Variants in CYFIP1 observed in about 807,000 individuals in gnomAD.
CYFIP1 encodes the protein cytoplasmic FMR1 interacting protein 1.
A neutral mutation model predicts 163.5 loss-of-function variants in CYFIP1; 58 were observed. The ratio of observed to expected loss-of-function variants is 0.35; its 90% CI spans 0.29 to 0.44. CYFIP1 has a LOEUF of 0.44. Ranked by LOEUF, CYFIP1 falls within the 20% of genes least tolerant of loss-of-function variation. The pLI is 1.00. For synonymous variants in CYFIP1, 663 were observed against 660.7 expected (o/e 1.00, Z -0.05); for missense variants, 1,338 against 1,653.8 (o/e 0.81, Z 3.31).
chr15:22,928,389 TAATA>T (rs200548603), intron 11 of CYFIP1, among the ~76,000 whole-genome samples: 8,552 of 147,558 alleles, frequency 0.058, 346 homozygotes, highest in African/African-American at 0.1. Flanking sequence ...TCTCAAAAAA[TAATA>T]AATAAATAAA....
At chr15:22,908,149 C>A (rs2142042064) in intron 21 of CYFIP1, among the ~76,000 whole-genome samples, 1 of 152,316 alleles carries the variant, frequency 6.6e-6, no homozygotes, top group African/African-American at 2.4e-5. Context: ...GAAGGTAGGA[C>A]TAACTGGCAG....
At chr15:22,916,020 G>A (rs1190810131) in intron 16 of CYFIP1, among the ~76,000 whole-genome samples, 6 of 152,152 alleles carry the variant, frequency 3.9e-5, no homozygotes, top group South Asian at 2.1e-4. Flanking sequence ...ATGAGAACAC[G>A]GGACAGACAC....
chr15:22,922,633 TA>T (rs2061223147), intron 13 of CYFIP1, among the ~76,000 whole-genome samples: 1 of 152,176 alleles, frequency 6.6e-6, no homozygotes, highest in Admixed American at 6.5e-5. Context: ...AAACGCTGTA[TA>T]AAAATCCACT....
At position 22,894,876 on chromosome 15, in the gene CYFIP1, TA is replaced by T. The variant is rs1203621479; in HGVS notation, c.2589-1900del. The stretch of plus-strand genomic sequence containing the variant: ...ATATTATATATTTTATATATATATA[TA>T]TTTTTTTTTTTTTTGTCACCCACAC... On this transcript the variant is annotated intron_variant, in intron 22 of 30. Transcript: ENST00000617928. Among the ~76,000 whole-genome samples the T allele has an allele frequency of 4.6e-4, 48 of 103,234 alleles. 1 individual carries two copies. Among genetic ancestry groups the T allele is most frequent in the East Asian group, 1.3e-3 (4 of 3,044 alleles). 67.7% of individuals were successfully genotyped at this position (103,234 alleles called of 152,430 possible).
At chr15:22,910,183 G>T (rs1214921796) in intron 20 of CYFIP1, among the ~76,000 whole-genome samples, 1 of 151,598 alleles carries the variant, frequency 6.6e-6, no homozygotes, top group African/African-American at 2.4e-5. Context: ...TTGAGACGGA[G>T]TCTTGCTCAC....
Position 22,867,397 on chromosome 15 carries a change from AAG to A in CYFIP1, c.*2629_*2630del. The A allele has an allele frequency of 1.0e-5, 4 of 386,328 alleles. No homozygotes were observed. Among genetic ancestry groups the A allele is most frequent in the Non-Finnish European group, 1.8e-5 (4 of 219,356 alleles). The allele number at this position is 386,328 out of a possible 1,614,324, so 23.9% of individuals were successfully genotyped here. On this transcript the variant is annotated 3_prime_UTR_variant, in exon 31 of 31. Transcript: ENST00000617928. ...AACCTCTTTCTTACAAAACAAAAAA[AAG>A]GGCAGAAATCACCCCAAGGAACGAT...
chr15:22,885,756 AAC>A (rs2059910766), intron 23 of CYFIP1, among the ~76,000 whole-genome samples: 1 of 152,030 alleles, frequency 6.6e-6, no homozygotes, highest in Non-Finnish European at 1.5e-5. Context: ...ACAAACAAAA[AAC>A]ATTCAACAAG....
At chr15:22,882,245 G>A (rs532710958) in intron 24 of CYFIP1, among the ~76,000 whole-genome samples, 10 of 152,218 alleles carry the variant, frequency 6.6e-5, no homozygotes, top group Non-Finnish European at 1.5e-4. Flanking sequence ...CCAGCATCGT[G>A]AGCACTGCCA....
At chr15:22,870,557 C>T (rs1322172808) in intron 30 of CYFIP1, among the ~76,000 whole-genome samples, 3 of 151,980 alleles carry the variant, frequency 2.0e-5, no homozygotes, top group Non-Finnish European at 2.9e-5. Context: ...AGCAATCCTC[C>T]TCTGCCTCAG....
intron 1 of CYFIP1, among the ~76,000 whole-genome samples, chr15:22,953,106 G>A (rs898945743): frequency 3.9e-5 from 6 of 152,238 alleles, no homozygotes; most frequent in Non-Finnish European, 5.9e-5. Flanking sequence ...CCATAGATGC[G>A]AATCTGCACA....
chr15:22,892,758 TG>T, intron 23 of CYFIP1, 131 bp downstream of exon 23: 1 of 684,362 alleles, frequency 1.5e-6, no homozygotes, highest in Non-Finnish European at 2.4e-6. Flanking sequence ...GTTAACAGAA[TG>T]GAAAAAAAAA....
intron 22 of CYFIP1, among the ~76,000 whole-genome samples, chr15:22,900,071 G>A (rs1246807100): frequency 6.6e-6 from 1 of 152,126 alleles, no homozygotes; most frequent in Non-Finnish European, 1.5e-5. Flanking sequence ...CTCACTCCTA[G>A]TACCTCAGAA....
chr15:22,881,842 T>C lies in CYFIP1; in HGVS notation c.2911+4A>G. The C allele has an allele frequency of 6.2e-7, 1 of 1,609,798 alleles. No individual in the cohort carries two copies. ...CACTGTGAGCTCCACACGCCCGCAC[T>C]CACCAGGAGAGCCGTACTCGTGCCG... On this transcript the variant is annotated splice_donor_region_variant and intron_variant, in intron 25 of 30. Transcript: ENST00000617928.
chr15:22,910,506 C>A lies in CYFIP1; in HGVS notation c.2268+14G>T. On this transcript the variant is annotated intron_variant, in intron 20 of 30. Coordinates refer to ENST00000617928, the MANE Select transcript of CYFIP1 (RefSeq NM_014608.6). ...CACACTCTACGTCCCCACCACAGCC[C>A]GGCCCCAGCTCACCTGCACATGCCT... The A allele has an allele frequency of 6.2e-7, 1 of 1,607,376 alleles. No homozygotes were observed. Among genetic ancestry groups the A allele is most frequent in the South Asian group, 1.1e-5 (1 of 90,966 alleles).
At position 22,917,705 on chromosome 15, in the gene CYFIP1, G is replaced by A. The variant is rs1440967772; in HGVS notation, c.1674+83C>T. Reference sequence around the variant, plus strand: ...AGGCAGCGAGGACCTCATTTAACCCGGGCCTCACCAGCCCCACCCGCTCAC... The same window carrying A: ...AGGCAGCGAGGACCTCATTTAACCCAGGCCTCACCAGCCCCACCCGCTCAC... On this transcript the variant is annotated intron_variant, in intron 15 of 30. Transcript: ENST00000617928. The surrounding 1 kb of genome is among the most constrained non-coding windows in gnomAD (Gnocchi z 4.2). 34 of 1,462,718 alleles carry A rather than the reference G, an allele frequency of 2.3e-5. No individual in the cohort carries two copies. Among genetic ancestry groups the A allele is most frequent in the African/African-American group, 7.2e-5 (5 of 69,184 alleles). 90.6% of individuals were successfully genotyped at this position (1,462,718 alleles called of 1,614,324 possible). A position where few individuals can be genotyped will look rare whatever the true frequency, so the allele number is the denominator to read the frequency against.
chr15:22,925,856 G>A (rs1411324585), intron 13 of CYFIP1, 126 bp downstream of exon 13: 4 of 1,379,304 alleles, frequency 2.9e-6, no homozygotes, highest in Admixed American at 2.0e-5. Context: ...TCTGCCAGAT[G>A]GAAAGGGGTG....
intron 22 of CYFIP1, among the ~76,000 whole-genome samples, 191 bp downstream of exon 22, chr15:22,903,515 C>T (rs1032290076): frequency 2.0e-5 from 3 of 152,222 alleles, no homozygotes; most frequent in African/African-American, 7.2e-5. Context: ...CCATGACCAT[C>T]CACCCGAGGG....
At chr15:22,926,167 T>C in intron 12 of CYFIP1, 60 bp from the exon 13 acceptor site, 2 of 1,608,084 alleles carry the variant, frequency 1.2e-6, no homozygotes, top group Non-Finnish European at 1.7e-6. Flanking sequence ...TGGCTTCTGG[T>C]CTGACTCACA....
intron 6 of CYFIP1, 122 bp downstream of exon 6, chr15:22,943,051 T>C (rs1369570339): frequency 2.3e-6 from 2 of 877,726 alleles, no homozygotes; most frequent in Admixed American, 2.4e-5. Context: ...CACTGAGACG[T>C]AGCTGCTGCC....
Sources: allele counts gnomAD v4.1 joint callset (sites outside exome capture counted in the v4.1 genomes callset), GRCh38; gene constraint gnomAD v4.1.1; non-coding constraint Gnocchi (gnomAD v3.1); transcripts MANE v1.5; gene names NCBI Gene and HGNC (gene_info 2026-07-23, HGNC 2026-07-21).